COL4A3: variants seen among roughly 807,000 people sequenced by gnomAD.
COL4A3 encodes the protein collagen type IV alpha 3 chain, also known as collagen alpha-3(IV) chain.
In COL4A3, 135 loss-of-function variants were observed where a neutral mutation model predicts 217.4. The ratio of observed to expected loss-of-function variants is 0.62; its 90% CI spans 0.54 to 0.72. COL4A3 has a LOEUF of 0.72. COL4A3 is among the 30% of genes least tolerant of loss of function. COL4A3 has a pLI of 0.00. For synonymous variants in COL4A3, 690 were observed against 736.3 expected (o/e 0.94, Z 1.02); for missense variants, 1,868 against 2,119.9 (o/e 0.88, Z 2.33).
intron 9 of COL4A3, among the ~76,000 whole-genome samples, chr2:227,249,378 C>A (rs11888597): frequency 6.8e-6 from 1 of 147,446 alleles, no homozygotes; most frequent in Admixed American, 6.8e-5. Context: ...TGGGACTACA[C>A]GCATGGGCCA....
At chr2:227,252,152 A>C (rs1452949639) in intron 11 of COL4A3, among the ~76,000 whole-genome samples, 1 of 150,728 alleles carries the variant, frequency 6.6e-6, no homozygotes, top group Non-Finnish European at 1.5e-5. Context: ...CCCAACAGGA[A>C]ATTGGTCCTA....
rs1458310517 is a variant in COL4A3, at chr2:227,261,096, C to T, written c.1129C>T (p.Pro377Ser). The T allele has an allele frequency of 1.9e-6, 3 of 1,612,024 alleles. No homozygotes were observed. The highest frequency in any genetic ancestry group is 1.6e-4 in the Middle Eastern group (1 of 6,082). The change falls in exon 20 of 52, where the codon CCC (proline) becomes TCC (serine). Residue 377 changes from proline (P) to serine (S), a missense_variant. Physicochemically the swap from Pro to Ser is moderately conservative, Grantham distance 74. Around this residue, in one of 2 missense-constraint regions of COL4A3, gnomAD observed 1,503 missense variants for 1,786.1 expected, o/e 0.84. Coordinates refer to ENST00000396578, the MANE Select transcript of COL4A3 (RefSeq NM_000091.5). ...TATATTCCCAGGTCCCAGTGGTCCC[C>T]CCGGAGTTCCTGGAAGTCCTGGTAT... Reference protein sequence around the residue: ...ARGPQGPSGPPGVPGSPGSSR... With the variant: ...ARGPQGPSGPSGVPGSPGSSR...
chr2:227,231,298 C>G (rs2068389308), intron 1 of COL4A3, among the ~76,000 whole-genome samples: 1 of 152,224 alleles, frequency 6.6e-6, no homozygotes, highest in South Asian at 2.1e-4. Context: ...CAGCTCAGAG[C>G]TGGAGGCGTC....
intron 3 of COL4A3, among the ~76,000 whole-genome samples, chr2:227,243,425 A>G (rs996893570): frequency 6.6e-6 from 1 of 152,216 alleles, no homozygotes; most frequent in Non-Finnish European, 1.5e-5. Flanking sequence ...TACAATGAGA[A>G]AGTAAAACCT....
intron 17 of COL4A3, 73 bp downstream of exon 17, chr2:227,256,469 G>A: frequency 8.5e-7 from 1 of 1,173,084 alleles, no homozygotes; most frequent in South Asian, 1.2e-5. Context: ...CTCCAACCCT[G>A]GACCTAAGTA....
chr2:227,277,432 G>C lies in COL4A3; in HGVS notation c.2021-17G>C, dbSNP rs2071647044. On this transcript the variant is annotated splice_polypyrimidine_tract_variant and intron_variant, in intron 27 of 51. Transcript: ENST00000396578. ...AAGTTGCTGATGTGGAGATGCATAT[G>C]TGTATTTGTTTCTAAGGTATCCCTG... The C allele has an allele frequency of 4.0e-6, 6 of 1,494,066 alleles. No individual in the cohort carries two copies. The highest frequency in any genetic ancestry group is 5.6e-6 in the Non-Finnish European group (6 of 1,074,140). 92.6% of individuals were successfully genotyped at this position (1,494,066 alleles called of 1,614,324 possible).
Position 227,312,137 on chromosome 2 carries a change from A to C in COL4A3, c.*267A>C. 4.5e-6 allele frequency: 2 copies of C among 447,928 alleles called. No individual in the cohort carries two copies. The highest frequency in any genetic ancestry group is 4.8e-5 in the East Asian group (1 of 20,886). 27.7% of individuals were successfully genotyped at this position (447,928 alleles called of 1,614,324 possible). ...ATCACCAAAAACCTATTCCACTTAC[A>C]TCCAAGGCACTGTCACTACGGTGAT... is the stretch of plus-strand genomic sequence containing the variant. On this transcript the variant is annotated 3_prime_UTR_variant, in exon 52 of 52. Coordinates refer to ENST00000396578, the MANE Select transcript of COL4A3 (RefSeq NM_000091.5).
At chr2:227,189,064 A>G (rs536274966) in intron 1 of COL4A3, among the ~76,000 whole-genome samples, 1 of 152,286 alleles carries the variant, frequency 6.6e-6, no homozygotes, top group Admixed American at 6.5e-5. Flanking sequence ...TACAGAAAAC[A>G]GCCCATGTTG....
intron 1 of COL4A3, among the ~76,000 whole-genome samples, chr2:227,168,956 T>C (rs998733727): frequency 6.6e-5 from 10 of 151,830 alleles, no homozygotes; most frequent in South Asian, 2.1e-4. Flanking sequence ...TAGTTACATA[T>C]GTATACATGT....
chr2:227,225,830 G>A (rs1559843767), intron 1 of COL4A3, among the ~76,000 whole-genome samples: 1 of 150,598 alleles, frequency 6.6e-6, no homozygotes, highest in Non-Finnish European at 1.5e-5. Context: ...TCTTGCCTTA[G>A]CCACCCGAGT....
intron 17 of COL4A3, 82 bp downstream of exon 17, chr2:227,256,478 T>C: frequency 9.5e-7 from 1 of 1,050,366 alleles, no homozygotes; most frequent in Non-Finnish European, 1.5e-6. Context: ...TGGACCTAAG[T>C]ACAAGGGATT....
At chr2:227,165,507 C>A (rs1377795368) in intron 1 of COL4A3, among the ~76,000 whole-genome samples, 1 of 152,110 alleles carries the variant, frequency 6.6e-6, no homozygotes, top group Non-Finnish European at 1.5e-5. Flanking sequence ...TTATTCTTTG[C>A]CATTAAATAG....
At position 227,203,467 on chromosome 2, in the gene COL4A3, ATATATGTGTATACATATGTGTG is replaced by A. The variant is rs1359737036; in HGVS notation, c.88-34488_88-34467del. Among the ~76,000 whole-genome samples the A allele has an allele frequency of 7.5e-5, 3 of 39,862 alleles. 1 individual carries two copies. Among genetic ancestry groups the A allele is most frequent in the Non-Finnish European group, 1.3e-4 (3 of 22,414 alleles). The allele number at this position is 39,862 out of a possible 152,430, so 26.2% of individuals were successfully genotyped here. On this transcript the variant is annotated intron_variant, in intron 1 of 51. Coordinates refer to ENST00000396578, the MANE Select transcript of COL4A3 (RefSeq NM_000091.5). ...TGTGTATACATACATATATGTGTGT[ATATATGTGTATACATATGTGTG>A]TATATGTGTATATATACATATATGT...
chr2:227,242,239 G>T (rs1204395391), intron 3 of COL4A3, among the ~76,000 whole-genome samples: 1 of 152,154 alleles, frequency 6.6e-6, no homozygotes, highest in Non-Finnish European at 1.5e-5. Context: ...TTGATAATTT[G>T]CTAAAGAGTC....
chr2:227,215,868 C>A (rs753571925), intron 1 of COL4A3, among the ~76,000 whole-genome samples: 6 of 152,098 alleles, frequency 3.9e-5, no homozygotes, highest in Admixed American at 2.6e-4. Context: ...TTGTACTACT[C>A]TTTTGATATT....
At chr2:227,217,939 A>G (rs918609381) in intron 1 of COL4A3, among the ~76,000 whole-genome samples, 2 of 151,236 alleles carry the variant, frequency 1.3e-5, no homozygotes, top group Admixed American at 1.3e-4. Flanking sequence ...GTGCTGGCAC[A>G]AGGGCAGAAG....
Position 227,279,896 on chromosome 2 carries a change from C to A in COL4A3, c.2223+6C>A. 1 of 1,594,918 alleles carries A rather than the reference C, an allele frequency of 6.3e-7. No individual in the cohort carries two copies. On this transcript the variant is annotated splice_donor_region_variant and intron_variant, in intron 29 of 51. Transcript: ENST00000396578. Reference sequence around the variant, plus strand: ...CAGGCCTCCCAGGAGCCAAGGTATGCAAAAATTCAAGCTATCACAGAAGAG... The same window carrying A: ...CAGGCCTCCCAGGAGCCAAGGTATGAAAAAATTCAAGCTATCACAGAAGAG...
intron 26 of COL4A3, among the ~76,000 whole-genome samples, chr2:227,274,092 C>T (rs1010462657): frequency 6.6e-6 from 1 of 152,028 alleles, no homozygotes; most frequent in African/African-American, 2.4e-5. Flanking sequence ...CAAAAATTAG[C>T]TGAGCATGGT....
intron 1 of COL4A3, among the ~76,000 whole-genome samples, chr2:227,223,036 GTTTTA>G (rs901052465): frequency 1.8e-4 from 28 of 152,280 alleles, no homozygotes; most frequent in African/African-American, 6.0e-4. Flanking sequence ...AATAACTTCT[GTTTTA>G]TTTCATAAAT....
Sources: allele counts gnomAD v4.1 joint callset (sites outside exome capture counted in the v4.1 genomes callset), GRCh38; gene constraint gnomAD v4.1.1; regional missense constraint gnomAD v4.1.1; transcripts MANE v1.5; gene names NCBI Gene and HGNC (gene_info 2026-07-23, HGNC 2026-07-21).